RBFOX1: variants seen among roughly 807,000 people sequenced by gnomAD.
The protein encoded by RBFOX1 is RNA binding fox-1 homolog 1.
RBFOX1 carries 8 observed loss-of-function variants against 57.7 expected under a neutral mutation model. The ratio of observed to expected loss-of-function variants is 0.14; its 90% CI spans 0.08 to 0.25. The LOEUF is 0.25. Among genes scored for constraint, RBFOX1 ranks in the 10% least tolerant of loss-of-function variants. RBFOX1 has a pLI of 1.00. For synonymous variants in RBFOX1, 326 were observed against 222.4 expected, an observed-to-expected ratio of 1.47 and a Z score of -4.15; for missense variants, 611 against 548.5, an observed-to-expected ratio of 1.11 and a Z score of -1.14.
intron 2 of RBFOX1, among the ~76,000 whole-genome samples, chr16:6,611,211 A>G (rs1302199471): frequency 6.6e-6 from 1 of 152,130 alleles, no homozygotes; most frequent in Non-Finnish European, 1.5e-5. Flanking sequence ...TAATGGTGCA[A>G]TCTAGGATCA....
At chr16:5,249,848 A>T (rs1400590198) in intron 1 of RBFOX1, among the ~76,000 whole-genome samples, 2 of 152,158 alleles carry the variant, frequency 1.3e-5, no homozygotes, top group African/African-American at 4.8e-5. Context: ...AATCCTAGTT[A>T]TTTGGGAGGC....
At chr16:6,836,938 A>G (rs764833719) in intron 3 of RBFOX1, among the ~76,000 whole-genome samples, 7 of 152,166 alleles carry the variant, frequency 4.6e-5, no homozygotes, top group Non-Finnish European at 1.0e-4. Flanking sequence ...CATTACTTCC[A>G]TATCAGTAGA....
rs75365850 is a variant in RBFOX1 at position 6,724,051 on chromosome 16, T to C, written c.-16+69401T>C. 3.5e-3 allele frequency among the ~76,000 whole-genome samples: 532 copies of C among 152,198 alleles called. 7 individuals carry two copies. The highest frequency in any genetic ancestry group is 0.035 in the East Asian group (179 of 5,164). ...CTGAATATTTGTGTACCCTGAACAT[T>C]TATATGAAATATTTATACCCCGGGT... On this transcript the variant is annotated intron_variant, in intron 3 of 15. Coordinates refer to ENST00000550418, the MANE Select transcript of RBFOX1 (RefSeq NM_018723.4).
chr16:7,609,841 G>A (rs771586195), intron 10 of RBFOX1, among the ~76,000 whole-genome samples: 6 of 148,664 alleles, frequency 4.0e-5, no homozygotes, highest in Non-Finnish European at 7.4e-5. Context: ...GTTTTGAGAT[G>A]GAGTTTTGCT....
chr16:5,295,619 G>A (rs1236409402), intron 1 of RBFOX1, among the ~76,000 whole-genome samples: 4 of 152,156 alleles, frequency 2.6e-5, no homozygotes, highest in Non-Finnish European at 5.9e-5. Flanking sequence ...TTCTTGCCAC[G>A]TGGGCCTCTC....
intron 4 of RBFOX1, among the ~76,000 whole-genome samples, chr16:5,945,218 A>G (rs989946139): frequency 3.3e-5 from 5 of 152,128 alleles, no homozygotes; most frequent in Non-Finnish European, 7.3e-5. Context: ...CAACTCAGAT[A>G]AAAAAGCTGC....
chr16:6,580,301 A>G (rs1317839554), intron 2 of RBFOX1, among the ~76,000 whole-genome samples: 2 of 152,140 alleles, frequency 1.3e-5, no homozygotes, highest in African/African-American at 4.8e-5. Flanking sequence ...GACTTTTTCC[A>G]TCACAAATTT....
At chr16:7,112,328 A>G (rs953438661) in intron 4 of RBFOX1, among the ~76,000 whole-genome samples, 12 of 151,538 alleles carry the variant, frequency 7.9e-5, no homozygotes, top group Admixed American at 2.0e-4. Flanking sequence ...TCAGACTCCA[A>G]AGTATCTGGG....
chr16:5,714,663 A>T (rs2151516164), intron 3 of RBFOX1, among the ~76,000 whole-genome samples: 1 of 152,344 alleles, frequency 6.6e-6, no homozygotes, highest in East Asian at 1.9e-4. Flanking sequence ...TTCATTTGTC[A>T]TCTCTGCAAG....
intron 1 of RBFOX1, among the ~76,000 whole-genome samples, chr16:5,413,502 C>A (rs566637691): frequency 2.0e-5 from 3 of 152,326 alleles, no homozygotes; most frequent in Non-Finnish European, 4.4e-5. Context: ...CTCCCGTGTT[C>A]ATTGCTACCA....
chr16:7,246,394 C>G (rs142025781), intron 4 of RBFOX1, among the ~76,000 whole-genome samples: 11 of 152,110 alleles, frequency 7.2e-5, no homozygotes, highest in East Asian at 1.9e-4. Flanking sequence ...AGTGATAACC[C>G]GAATGTTTTC....
intron 4 of RBFOX1, among the ~76,000 whole-genome samples, chr16:7,343,088 T>C (rs1332158266): frequency 6.6e-6 from 1 of 152,144 alleles, no homozygotes. Flanking sequence ...CATAGCCTTC[T>C]GGGGACAGAC....
At chr16:7,709,631 A>C (rs1245760917) in intron 15 of RBFOX1, 16 of 1,531,308 alleles carry the variant, frequency 1.0e-5, no homozygotes, top group Admixed American at 2.0e-5. Flanking sequence ...GTCGCCCAGG[A>C]AAGAAAATAG....
chr16:6,951,060 C>T (rs918005987), intron 3 of RBFOX1, among the ~76,000 whole-genome samples: 3 of 152,028 alleles, frequency 2.0e-5, no homozygotes, highest in African/African-American at 7.2e-5. Flanking sequence ...CACGTATCAC[C>T]ATGCCCAGCA....
intron 4 of RBFOX1, among the ~76,000 whole-genome samples, chr16:5,908,095 T>TATATATATATACAC (rs1567133450): frequency 4.3e-5 from 6 of 139,876 alleles, no homozygotes; most frequent in African/African-American, 1.5e-4. Flanking sequence ...TACACATATA[T>TATATATATATACAC]ACACATATAT....
At chr16:5,451,322 G>GT (rs137934088) in intron 1 of RBFOX1, among the ~76,000 whole-genome samples, 1,961 of 152,320 alleles carry the variant, frequency 0.013, 60 homozygotes, top group African/African-American at 0.045. Flanking sequence ...GCGATGATTT[G>GT]TAATGACCCA....
chr16:6,259,193 A>T (rs1305174719), intron 1 of RBFOX1, among the ~76,000 whole-genome samples: 1 of 152,140 alleles, frequency 6.6e-6, no homozygotes, highest in Non-Finnish European at 1.5e-5. Context: ...AAGATCACCC[A>T]TTGCTTATTT....
intron 4 of RBFOX1, among the ~76,000 whole-genome samples, chr16:7,219,956 A>G (rs2092596082): frequency 6.6e-6 from 1 of 152,232 alleles, no homozygotes; most frequent in Non-Finnish European, 1.5e-5. Flanking sequence ...AATTTTCTGA[A>G]TTCAAACCAA....
intron 4 of RBFOX1, among the ~76,000 whole-genome samples, chr16:7,093,291 G>C (rs2061164236): frequency 6.6e-6 from 1 of 152,078 alleles, no homozygotes; most frequent in South Asian, 2.1e-4. Context: ...TATCTTTCTT[G>C]ACTGTGATGT....
Sources: allele counts gnomAD v4.1 joint callset (sites outside exome capture counted in the v4.1 genomes callset), GRCh38; gene constraint gnomAD v4.1.1; transcripts MANE v1.5; gene names NCBI Gene and HGNC (gene_info 2026-07-23, HGNC 2026-07-21).